The following DNAJC17 variants were observed in gnomAD, a reference collection of about 807,000 sequenced individuals.
The protein encoded by DNAJC17 is DnaJ heat shock protein family (Hsp40) member C17, also known as dnaJ homolog subfamily C member 17.
Under a neutral mutation model 48.1 loss-of-function variants are expected in DNAJC17, and 35 were observed. The ratio of observed to expected loss-of-function variants is 0.73; its 90% CI spans 0.56 to 0.96. The LOEUF (loss-of-function observed/expected upper bound fraction) is 0.96. Ranked by LOEUF, DNAJC17 falls within the 50% of genes least tolerant of loss-of-function variation. The pLI, the probability that DNAJC17 is intolerant of heterozygous loss-of-function variation, is 0.00. For missense variants in DNAJC17, 355 were observed against 377.1 expected (o/e 0.94, Z 0.48); for synonymous variants, 117 against 142.7 (o/e 0.82, Z 1.28).
chr15:40,770,878 T>C lies in DNAJC17; in HGVS notation c.793-2816A>G, dbSNP rs1596072816. ...CTCCACCAGCACTCAGAGAAGGGCC[T>C]TGTGGACACTCCCTGCTTCCAGAGG... On this transcript the variant is annotated intron_variant, in intron 10 of 10. Transcript: ENST00000220496. The surrounding 1 kb of genome is among the most constrained non-coding windows in gnomAD (Gnocchi z 5.0). The C allele has an allele frequency of 3.9e-6, 6 of 1,551,506 alleles. No individual in the cohort carries two copies. The highest frequency in any genetic ancestry group is 5.2e-6 in the Non-Finnish European group (6 of 1,146,986).
chr15:40,801,753 A>AAAAAG (rs1209391907), intron 1 of DNAJC17, among the ~76,000 whole-genome samples: 6 of 152,028 alleles, frequency 3.9e-5, no homozygotes, highest in Admixed American at 6.5e-5. Context: ...AAAAAAAAAA[A>AAAAAG]AAAAGAAAAG....
rs368328456 is a variant in DNAJC17, at chr15:40,767,900, T to G, written c.*40A>C. 2 of 1,590,856 alleles carry G rather than the reference T, an allele frequency of 1.3e-6. No homozygotes were observed. The highest frequency in any genetic ancestry group is 1.9e-5 in the Admixed American group (1 of 53,366). On this transcript the variant is annotated 3_prime_UTR_variant, in exon 11 of 11. Transcript: ENST00000220496. ...AAAAAAAAAAAATTTATTGGTGACG[T>G]TGAAGAAAAGGGCTGAGGGGTGGAT...
intron 1 of DNAJC17, among the ~76,000 whole-genome samples, chr15:40,804,831 G>A (rs1330964581): frequency 1.3e-5 from 2 of 151,952 alleles, no homozygotes; most frequent in African/African-American, 2.4e-5. Context: ...GTGAAACCCT[G>A]TCTCTGATAA....
chr15:40,798,213 G>C (rs761874432), intron 1 of DNAJC17, among the ~76,000 whole-genome samples: 38 of 152,196 alleles, frequency 2.5e-4, no homozygotes, highest in Non-Finnish European at 8.8e-5. Context: ...TTGAAAGCAT[G>C]ATGTTAATTA....
chr15:40,778,369 C>A (rs546561806), intron 4 of DNAJC17, among the ~76,000 whole-genome samples: 1 of 152,214 alleles, frequency 6.6e-6, no homozygotes, highest in South Asian at 2.1e-4. Flanking sequence ...TTCTCTGCCT[C>A]AACTTCTCGA....
intron 1 of DNAJC17, among the ~76,000 whole-genome samples, chr15:40,795,182 C>T (rs183479197): frequency 2.0e-3 from 295 of 149,286 alleles, no homozygotes; most frequent in African/African-American, 2.6e-3. Context: ...GAGGCCGAGG[C>T]GGGAGGATTG....
In DNAJC17 at chr15:40,779,245, CTCA is replaced by C; in HGVS notation, c.270_272del (p.Asp90del). ...TACCAAGCTTCACTTTCTTCCTTTT[CTCA>C]TCAAGTTTCTGGGTCCTCTCTGCTG... On this transcript the variant is annotated inframe_deletion, in exon 4 of 11. Transcript: ENST00000220496. The C allele has an allele frequency of 1.2e-6, 2 of 1,614,162 alleles. No homozygotes were observed. Among genetic ancestry groups the C allele is most frequent in the Non-Finnish European group, 1.7e-6 (2 of 1,180,034 alleles).
intron 8 of DNAJC17, among the ~76,000 whole-genome samples, chr15:40,774,724 G>A (rs748888446): frequency 4.6e-5 from 7 of 152,218 alleles, no homozygotes; most frequent in African/African-American, 9.6e-5. Context: ...TGAAAAGGAC[G>A]GGGCTTTCGT....
intron 5 of DNAJC17, 25 bp from the exon 6 acceptor site, chr15:40,776,317 C>A (rs1419504353): frequency 1.2e-6 from 2 of 1,608,306 alleles, no homozygotes; most frequent in Non-Finnish European, 1.7e-6. Flanking sequence ...GTGGGGGTGA[C>A]AATTCTGTGC....
chr15:40,778,005 G>T (rs1021367726), intron 4 of DNAJC17, among the ~76,000 whole-genome samples: 3 of 152,010 alleles, frequency 2.0e-5, no homozygotes, highest in Non-Finnish European at 2.9e-5. Context: ...AAAGTGAAAA[G>T]TCTGGGTAGG....
chr15:40,798,356 G>T (rs1596099417), intron 1 of DNAJC17, among the ~76,000 whole-genome samples: 2 of 152,292 alleles, frequency 1.3e-5, no homozygotes, highest in Admixed American at 1.3e-4. Context: ...GGAGGGAACA[G>T]GGAGTCACTC....
chr15:40,780,588 C>T (rs1374783613), intron 1 of DNAJC17: 1 of 348,106 alleles, frequency 2.9e-6, no homozygotes, highest in Non-Finnish European at 5.6e-6. Flanking sequence ...CTGAGGTGGA[C>T]AGATCACCTG....
At chr15:40,807,001 G>A (rs952305247) in intron 1 of DNAJC17, 2 of 507,722 alleles carry the variant, frequency 3.9e-6, no homozygotes, top group African/African-American at 3.9e-5. Context: ...TCAGCCTGCA[G>A]AAGAGACTGA....
chr15:40,770,644 AAGT>A lies in DNAJC17; in HGVS notation c.793-2585_793-2583del. 6.5e-7 allele frequency: 1 copy of A among 1,550,196 alleles called. No individual in the cohort carries two copies. The highest frequency in any genetic ancestry group is 8.7e-7 in the Non-Finnish European group (1 of 1,146,936). On this transcript the variant is annotated intron_variant, in intron 10 of 10. Transcript: ENST00000220496. This position sits in a 1 kb window ranked among gnomAD's most constrained non-coding sequence, Gnocchi z 5.0. ...GACCACGAGGAGTACAGCAACCGAG[AAGT>A]CATCCGGGAGCTACAAGGGAGGCCA...
chr15:40,783,054 C>G (rs1361649829), intron 1 of DNAJC17, among the ~76,000 whole-genome samples: 1 of 151,590 alleles, frequency 6.6e-6, no homozygotes, highest in Non-Finnish European at 1.5e-5. Flanking sequence ...AAAGGAGGTG[C>G]TAGCTTAAGA....
At chr15:40,804,025 T>C (rs1890138609) in intron 1 of DNAJC17, among the ~76,000 whole-genome samples, 1 of 148,238 alleles carries the variant, frequency 6.7e-6, no homozygotes. Flanking sequence ...CAGGCTGGAA[T>C]ACAGTGGCAA....
At chr15:40,792,356 T>C in intron 1 of DNAJC17, 1 of 669,744 alleles carries the variant, frequency 1.5e-6, no homozygotes, top group South Asian at 6.6e-5. Flanking sequence ...CAATATTAAG[T>C]TTCCCTGGTA....
At chr15:40,800,118 C>G (rs57825040) in intron 1 of DNAJC17, among the ~76,000 whole-genome samples, 53,690 of 151,860 alleles carry the variant, frequency 0.35, 9,669 homozygotes, top group South Asian at 0.41. Flanking sequence ...CATCACCCAG[C>G]CTGGAGTGCA....
At position 40,807,379 on chromosome 15, in the gene DNAJC17, G is replaced by T. The variant is rs147737352; in HGVS notation, c.68C>A (p.Ala23Glu). 9.9e-6 allele frequency: 16 copies of T among 1,614,144 alleles called. No homozygotes were observed. In the African/African-American group the frequency reaches 2.1e-4, roughly 22 times the overall value. The change falls in exon 1 of 11, where the codon GCG becomes GAG. Residue 23 changes from alanine (A) to glutamate (E), a missense_variant. Coordinates refer to ENST00000220496, the MANE Select transcript of DNAJC17 (RefSeq NM_018163.3). ...CGCCACCGTTCTCACCTCTTTGTCC[G>T]CTGCCTTCTCCTCAATGCCTAGCAG... ...YALLGIEEKAADKEVKKAYRQ... is the reference protein window; with the variant it reads ...YALLGIEEKAEDKEVKKAYRQ...
Sources: gnomAD v4.1 joint callset for allele counts (sites outside exome capture counted in the v4.1 genomes callset) on GRCh38, gnomAD v4.1.1 for gene constraint, Gnocchi (gnomAD v3.1) non-coding constraint, MANE v1.5 for transcripts, NCBI Gene and HGNC (gene_info 2026-07-23, HGNC 2026-07-21) for gene names.